Variants in RRAS2 observed in about 807,000 individuals in gnomAD.
The protein encoded by RRAS2 is ras-related protein R-Ras2.
Under a neutral mutation model 27.6 loss-of-function variants are expected in RRAS2, and 7 were observed. That is an observed-to-expected ratio of 0.25 (90% confidence interval 0.14 to 0.48). The LOEUF is 0.48. Ranked by LOEUF, RRAS2 falls within the 20% of genes least tolerant of loss-of-function variation. RRAS2 has a pLI of 0.99. For missense variants in RRAS2, 178 were observed against 256.2 expected, an observed-to-expected ratio of 0.69 and a Z score of 2.08; for synonymous variants, 86 against 90.9, an observed-to-expected ratio of 0.95 and a Z score of 0.31.
At chr11:14,343,475 T>C (rs1848760380) in intron 1 of RRAS2, among the ~76,000 whole-genome samples, 2 of 152,204 alleles carry the variant, frequency 1.3e-5, no homozygotes, top group African/African-American at 2.4e-5. Flanking sequence ...TCATAAAACA[T>C]CTTCGCAGTG....
At chr11:14,350,769 A>T (rs1554954650) in intron 1 of RRAS2, among the ~76,000 whole-genome samples, 1 of 152,220 alleles carries the variant, frequency 6.6e-6, no homozygotes, top group African/African-American at 2.4e-5. Flanking sequence ...GCCACATTCA[A>T]AGGTGTCCTG....
intron 4 of RRAS2, among the ~76,000 whole-genome samples, chr11:14,287,875 A>C (rs1849707209): frequency 6.6e-6 from 1 of 150,648 alleles, no homozygotes; most frequent in Non-Finnish European, 1.5e-5. Context: ...CTGTCTCAAA[A>C]AAAAAAAAAA....
intron 1 of RRAS2, among the ~76,000 whole-genome samples, chr11:14,324,273 AT>A (rs1372059285): frequency 1.3e-5 from 2 of 152,104 alleles, no homozygotes; most frequent in Non-Finnish European, 2.9e-5. Flanking sequence ...GCAAAAAAAA[AT>A]ACCACTTCTG....
chr11:14,285,968 G>A (rs1849651911), intron 4 of RRAS2, among the ~76,000 whole-genome samples: 1 of 152,062 alleles, frequency 6.6e-6, no homozygotes, highest in South Asian at 2.1e-4. Flanking sequence ...TCTTGGATGT[G>A]TGTATTTTTC....
intron 1 of RRAS2, among the ~76,000 whole-genome samples, chr11:14,305,201 C>A (rs1384624101): frequency 2.0e-5 from 3 of 152,156 alleles, no homozygotes; most frequent in African/African-American, 7.2e-5. Flanking sequence ...TATTTAGTTG[C>A]AAATGAATGG....
rs1288098803 is a variant in RRAS2 at position 14,347,825 on chromosome 11, A to T, written c.108+10938T>A. On this transcript the variant is annotated intron_variant, in intron 1 of 5. Coordinates refer to ENST00000256196, the MANE Select transcript of RRAS2 (RefSeq NM_012250.6). ...CACCAGAGCAAGACCCTGTCTTTAA[A>T]ATTTTTAAAAGAATATAAATAATTT... Among the ~76,000 whole-genome samples, 10 of 151,556 alleles carry T rather than the reference A, an allele frequency of 6.6e-5. No individual in the cohort carries two copies. In the East Asian group the frequency reaches 1.9e-3, roughly 29 times the overall value.
intron 1 of RRAS2, chr11:14,308,201 C>A: frequency 2.5e-6 from 1 of 406,108 alleles, no homozygotes; most frequent in Admixed American, 3.2e-5. Flanking sequence ...AACTGATTAA[C>A]TTTACCTGTG....
At chr11:14,353,971 T>C (rs1554955141) in intron 1 of RRAS2, among the ~76,000 whole-genome samples, 1 of 152,230 alleles carries the variant, frequency 6.6e-6, no homozygotes, top group Non-Finnish European at 1.5e-5. Flanking sequence ...ACTAAAAATG[T>C]CTAGTTTCAA....
At chr11:14,324,626 G>C (rs61884000) in intron 1 of RRAS2, among the ~76,000 whole-genome samples, 5,898 of 152,210 alleles carry the variant, frequency 0.039, 169 homozygotes, top group Non-Finnish European at 0.057. Context: ...ATAAGTGTAA[G>C]AGTCATGAGA....
chr11:14,316,847 C>T (rs1848119540), intron 1 of RRAS2, among the ~76,000 whole-genome samples: 1 of 152,194 alleles, frequency 6.6e-6, no homozygotes, highest in African/African-American at 2.4e-5. Context: ...TTGGGTTCTA[C>T]TGCAAATGAG....
intron 5 of RRAS2, among the ~76,000 whole-genome samples, chr11:14,280,788 C>CTAACTAGCATT (rs1193080791): frequency 7.3e-6 from 1 of 136,078 alleles, no homozygotes; most frequent in Admixed American, 7.4e-5. Context: ...ATCAAACTGT[C>CTAACTAGCATT]TAACTAGCAG....
intron 1 of RRAS2, among the ~76,000 whole-genome samples, chr11:14,341,236 G>C (rs546531890): frequency 2.5e-4 from 38 of 152,266 alleles, no homozygotes; most frequent in Non-Finnish European, 1.5e-5. Context: ...ACAGAGCACA[G>C]GTCTAGTATG....
intron 1 of RRAS2, among the ~76,000 whole-genome samples, chr11:14,296,693 T>C (rs140013049): frequency 3.9e-5 from 6 of 152,318 alleles, no homozygotes; most frequent in African/African-American, 1.4e-4. Context: ...AAATATCATT[T>C]TGAAATTTTT....
upstream of RRAS2, among the ~76,000 whole-genome samples, chr11:14,361,719 A>G (rs573509768): frequency 6.6e-6 from 1 of 152,226 alleles, no homozygotes; most frequent in Non-Finnish European, 1.5e-5. Context: ...AGAGTTACCA[A>G]CAACCTGACA....
chr11:14,310,746 AACC>A (rs1164065231), intron 1 of RRAS2, among the ~76,000 whole-genome samples: 1 of 152,164 alleles, frequency 6.6e-6, no homozygotes, highest in African/African-American at 2.4e-5. Context: ...AACAGGCATA[AACC>A]AGGACTTTCC....
At chr11:14,293,406 G>A (rs1312154709) in intron 4 of RRAS2, among the ~76,000 whole-genome samples, 3 of 151,700 alleles carry the variant, frequency 2.0e-5, no homozygotes, top group African/African-American at 7.3e-5. Flanking sequence ...TTCAGATGTG[G>A]GGTAGAGACA....
Position 14,283,078 on chromosome 11 carries a change from G to C in RRAS2, c.409-1358C>G, listed in dbSNP as rs1554944566. Among the ~76,000 whole-genome samples, 3 of 152,228 alleles carry C rather than the reference G, an allele frequency of 2.0e-5. No homozygotes were observed. In the East Asian group the frequency reaches 5.8e-4, roughly 29 times the overall value. ...TTTTTTTGTAGATGTCCTTTCTCAG[G>C]TTAACAAAGTTCTCCACTACTCCCT... On this transcript the variant is annotated intron_variant, in intron 4 of 5. Transcript: ENST00000256196.
At chr11:14,280,860 T>C (rs1849514025) in intron 5 of RRAS2, among the ~76,000 whole-genome samples, 1 of 144,180 alleles carries the variant, frequency 6.9e-6, no homozygotes, top group Non-Finnish European at 1.5e-5. Context: ...CCCAAAATAA[T>C]AAATCAAATC....
intron 2 of RRAS2, among the ~76,000 whole-genome samples, chr11:14,295,235 A>G (rs1207783814): frequency 6.6e-6 from 1 of 152,212 alleles, no homozygotes; most frequent in Non-Finnish European, 1.5e-5. Flanking sequence ...AAGAAATCTG[A>G]GTTATAACCA....
Sources: allele counts gnomAD v4.1 joint callset (sites outside exome capture counted in the v4.1 genomes callset), GRCh38; gene constraint gnomAD v4.1.1; transcripts MANE v1.5; gene names NCBI Gene and HGNC (gene_info 2026-07-23, HGNC 2026-07-21).